The following SLC35D4 variants were observed in gnomAD, a reference collection of about 807,000 sequenced individuals.
The protein encoded by SLC35D4 is solute carrier family 35 member D4, also known as UDP-N-acetylglucosamine transporter SLC35D4.
the SLC35D4 span, among the ~76,000 whole-genome samples, chr18:23,367,157 C>T: frequency 6.6e-6 from 1 of 152,108 alleles, no homozygotes; most frequent in South Asian, 2.1e-4. Context: ...ATCAGAATCG[C>T]CCCAAAGGGT....
the SLC35D4 span, among the ~76,000 whole-genome samples, chr18:23,292,858 T>C: frequency 1.3e-5 from 2 of 152,152 alleles, no homozygotes; most frequent in East Asian, 3.8e-4. Flanking sequence ...ATCTTAAATA[T>C]TATTATTGGG....
At chr18:23,284,892 T>G in the SLC35D4 span, among the ~76,000 whole-genome samples, 288 of 152,316 alleles carry the variant, frequency 1.9e-3, 1 homozygote, top group African/African-American at 6.4e-3. Context: ...GGAGGCAGAA[T>G]GCTGTGAGAG....
chr18:23,252,886 G>C, the SLC35D4 span: 1 of 976,786 alleles, frequency 1.0e-6, no homozygotes, highest in African/African-American at 1.6e-5. Context: ...TTGTAAGTTG[G>C]TCGTAGTTGG....
At chr18:23,359,569 A>C in the SLC35D4 span, among the ~76,000 whole-genome samples, 1 of 152,108 alleles carries the variant, frequency 6.6e-6, no homozygotes, top group Non-Finnish European at 1.5e-5. Context: ...GAAAAGTGTG[A>C]CACAATATTA....
At chr18:23,321,556 A>G in the SLC35D4 span, among the ~76,000 whole-genome samples, 2 of 152,076 alleles carry the variant, frequency 1.3e-5, no homozygotes, top group African/African-American at 4.8e-5. Flanking sequence ...CCCAGGCTCA[A>G]CTGATTCTCC....
chr18:23,300,070 T>C, the SLC35D4 span, among the ~76,000 whole-genome samples: 1 of 152,218 alleles, frequency 6.6e-6, no homozygotes, highest in East Asian at 1.9e-4. Flanking sequence ...CGACCCTATT[T>C]GGGAACGAGG....
the SLC35D4 span, among the ~76,000 whole-genome samples, chr18:23,425,715 A>G: frequency 6.6e-6 from 1 of 152,206 alleles, no homozygotes; most frequent in East Asian, 1.9e-4. Context: ...CTTTCACACC[A>G]TTGTACAGTC....
the SLC35D4 span, among the ~76,000 whole-genome samples, chr18:23,416,276 A>C: frequency 6.6e-6 from 1 of 152,166 alleles, no homozygotes; most frequent in Non-Finnish European, 1.5e-5. Flanking sequence ...AGGGCAATCT[A>C]AATGAGTTCT....
the SLC35D4 span, chr18:23,257,190 CAA>C: frequency 6.2e-7 from 1 of 1,605,630 alleles, no homozygotes; most frequent in Non-Finnish European, 8.5e-7. Flanking sequence ...ATTTTAATTT[CAA>C]AATGAACATG....
At chr18:23,313,126 C>CAAA in the SLC35D4 span, among the ~76,000 whole-genome samples, 5,834 of 29,538 alleles carry the variant, frequency 0.2, 1,741 homozygotes, top group Non-Finnish European at 0.27. Flanking sequence ...GACTACATCT[C>CAAA]AAAAAAAAAA....
At chr18:23,246,553 G>A in the SLC35D4 span, among the ~76,000 whole-genome samples, 6,681 of 151,668 alleles carry the variant, frequency 0.044, 214 homozygotes, top group Non-Finnish European at 0.064. Flanking sequence ...CACCACACCC[G>A]GCTAATTTTT....
At chr18:23,371,935 G>GTTTTTTGTTTTTTTTTTT in the SLC35D4 span, among the ~76,000 whole-genome samples, 1 of 35,478 alleles carries the variant, frequency 2.8e-5, no homozygotes, top group African/African-American at 1.2e-4. Flanking sequence ...TGTTTTTTTT[G>GTTTTTTGTTTTTTTTTTT]TTTTTTTTTT....
the SLC35D4 span, among the ~76,000 whole-genome samples, chr18:23,326,244 A>G: frequency 2.0e-5 from 3 of 152,230 alleles, no homozygotes; most frequent in Non-Finnish European, 4.4e-5. Flanking sequence ...CCCAATTAAA[A>G]GACACAGACT....
At chr18:23,407,721 A>T in the SLC35D4 span, among the ~76,000 whole-genome samples, 1 of 152,348 alleles carries the variant, frequency 6.6e-6, no homozygotes, top group East Asian at 1.9e-4. Flanking sequence ...AGCAATTTTT[A>T]AAAGTTATAT....
the SLC35D4 span, among the ~76,000 whole-genome samples, chr18:23,247,379 C>A: frequency 3.3e-5 from 5 of 152,238 alleles, no homozygotes; most frequent in African/African-American, 1.2e-4. Context: ...GTCCAGTTTC[C>A]ATACTCTGAA....
chr18:23,421,287 G>A, the SLC35D4 span: 1 of 1,196,352 alleles, frequency 8.4e-7, no homozygotes, highest in Admixed American at 1.8e-5. Context: ...TGCTTCCAGT[G>A]TAACACCATA....
chr18:23,360,930 C>G, the SLC35D4 span, among the ~76,000 whole-genome samples: 1 of 151,396 alleles, frequency 6.6e-6, no homozygotes, highest in Non-Finnish European at 1.5e-5. Context: ...GGTGGAACCC[C>G]GTCTCTACTA....
chr18:23,309,637 C>A, the SLC35D4 span: 1 of 1,565,818 alleles, frequency 6.4e-7, no homozygotes, highest in South Asian at 1.1e-5. Context: ...TGATGAAACT[C>A]AGTAACTAAT....
chr18:23,245,764 C>T, the SLC35D4 span, among the ~76,000 whole-genome samples: 1 of 152,240 alleles, frequency 6.6e-6, no homozygotes, highest in African/African-American at 2.4e-5. Context: ...CAGCTGTGCA[C>T]ACAGCTTCCC....
Sources: gnomAD v4.1 joint callset for allele counts (sites outside exome capture counted in the v4.1 genomes callset) on GRCh38, gnomAD v4.1.1 for gene constraint, MANE v1.5 for transcripts, NCBI Gene and HGNC (gene_info 2026-07-23, HGNC 2026-07-21) for gene names.